Variants in NTRK2 observed in about 807,000 individuals in gnomAD.
The protein encoded by NTRK2 is neurotrophic receptor tyrosine kinase 2.
In NTRK2, 13 loss-of-function variants were observed where a neutral mutation model predicts 94.5. That is an observed-to-expected ratio of 0.14 (90% CI 0.09 to 0.22). The LOEUF (loss-of-function observed/expected upper bound fraction) is 0.22, where lower values mean the gene tolerates loss of function less well. NTRK2 is among the 10% of genes least tolerant of loss of function. The pLI, the probability that NTRK2 is intolerant of heterozygous loss-of-function variation, is 1.00. For synonymous variants in NTRK2, 372 were observed against 407.4 expected (o/e 0.91, Z 1.05); for missense variants, 639 against 1,071.2 (o/e 0.60, Z 5.63).
At chr9:84,905,276 GTGT>G (rs1184697291) in intron 14 of NTRK2, among the ~76,000 whole-genome samples, 5 of 6,968 alleles carry the variant, frequency 7.2e-4, no homozygotes, top group East Asian at 5.4e-3. Context: ...GTTTTAGAGG[GTGT>G]GTGTGTGTGT....
chr9:84,860,891 G>GTTTGTTTA (rs754341107), intron 12 of NTRK2, 149 bp from the exon 13 acceptor site: 17 of 379,158 alleles, frequency 4.5e-5, no homozygotes, highest in African/African-American at 3.4e-4. Context: ...CAAGTGGTTT[G>GTTTGTTTA]TTTATTTATT....
At chr9:84,898,596 C>G (rs2076831509) in intron 14 of NTRK2, among the ~76,000 whole-genome samples, 1 of 151,816 alleles carries the variant, frequency 6.6e-6, no homozygotes. Context: ...AACCAAAGCC[C>G]AGGGATTGTT....
intron 17 of NTRK2, among the ~76,000 whole-genome samples, chr9:84,973,938 G>T (rs1826491831): frequency 6.6e-6 from 1 of 151,964 alleles, no homozygotes; most frequent in African/African-American, 2.4e-5. Flanking sequence ...TTTGCTCAAT[G>T]GTATTTTTTA....
chr9:84,876,182 G>T (rs1438143935), intron 14 of NTRK2: 1 of 1,040,958 alleles, frequency 9.6e-7, no homozygotes, highest in African/African-American at 1.7e-5. Context: ...TGGACTGAGT[G>T]CCATATTCCT....
chr9:84,722,028 T>C (rs755969629), intron 6 of NTRK2, among the ~76,000 whole-genome samples: 1 of 152,144 alleles, frequency 6.6e-6, no homozygotes, highest in Non-Finnish European at 1.5e-5. Context: ...AGAAAACACA[T>C]TGAGAAAAAC....
chr9:84,711,823 C>A (rs189526740), intron 6 of NTRK2, among the ~76,000 whole-genome samples: 2 of 152,318 alleles, frequency 1.3e-5, no homozygotes, highest in East Asian at 3.9e-4. Flanking sequence ...TAGAAGACGG[C>A]CCTGACCCTT....
chr9:84,756,668 T>C (rs1050804853), intron 12 of NTRK2, among the ~76,000 whole-genome samples: 3 of 152,230 alleles, frequency 2.0e-5, no homozygotes, highest in Non-Finnish European at 2.9e-5. Flanking sequence ...TAGAAGAGAC[T>C]AGAAGAGGAA....
chr9:84,991,659 C>T (rs1018383154), intron 17 of NTRK2, among the ~76,000 whole-genome samples: 4 of 152,120 alleles, frequency 2.6e-5, no homozygotes, highest in Non-Finnish European at 4.4e-5. Context: ...GCCATGGTAG[C>T]GAGCCTCCTC....
At chr9:84,788,079 A>G (rs1171361167) in intron 12 of NTRK2, among the ~76,000 whole-genome samples, 1 of 152,206 alleles carries the variant, frequency 6.6e-6, no homozygotes, top group Non-Finnish European at 1.5e-5. Flanking sequence ...GGTTTGTGCC[A>G]TGTATCAGGT....
At position 84,934,309 on chromosome 9, in the gene NTRK2, G is replaced by A. The variant is rs1158818757; in HGVS notation, c.1764+17G>A. On this transcript the variant is annotated intron_variant, in intron 15 of 18. Coordinates refer to ENST00000277120, the MANE Select transcript of NTRK2 (RefSeq NM_006180.6). ...GCAGTGAAGGTAAGAGAACATTCCA[G>A]AATGTCTCATTAACCATGATCACAC... 1 of 1,613,652 alleles carries A rather than the reference G, an allele frequency of 6.2e-7. No individual in the cohort carries two copies.
At position 85,015,106 on chromosome 9, in the gene NTRK2, C is replaced by T. The variant is rs556756209; in HGVS notation, c.2173-5100C>T. On this transcript the variant is annotated intron_variant, in intron 17 of 18. Coordinates refer to ENST00000277120, the MANE Select transcript of NTRK2 (RefSeq NM_006180.6). ...TCATAGTTTAACTTCCCTCTTTAGT[C>T]TCTCTTAATTTTCTCCAGCCTCAGA... Among the ~76,000 whole-genome samples, 14 of 152,180 alleles carry T rather than the reference C, an allele frequency of 9.2e-5. No homozygotes were observed. In the East Asian group the frequency reaches 2.3e-3, roughly 25 times the overall value.
chr9:84,997,685 G>A (rs1829907355), intron 17 of NTRK2, among the ~76,000 whole-genome samples: 1 of 152,204 alleles, frequency 6.6e-6, no homozygotes, highest in South Asian at 2.1e-4. Flanking sequence ...AGCCTGCCAT[G>A]GAGGCTGATG....
intron 17 of NTRK2, among the ~76,000 whole-genome samples, chr9:85,002,832 T>A (rs981641080): frequency 6.6e-6 from 1 of 152,118 alleles, no homozygotes; most frequent in Non-Finnish European, 1.5e-5. Context: ...TCTCACCATG[T>A]CTTGACCATG....
chr9:84,910,256 C>T (rs1314551474), intron 14 of NTRK2, among the ~76,000 whole-genome samples: 4 of 152,028 alleles, frequency 2.6e-5, no homozygotes, highest in African/African-American at 4.8e-5. Flanking sequence ...ACAACAGAAA[C>T]GTATTCTCTC....
At chr9:84,963,354 C>A (rs780750575) in intron 17 of NTRK2, among the ~76,000 whole-genome samples, 3 of 152,174 alleles carry the variant, frequency 2.0e-5, no homozygotes, top group Non-Finnish European at 2.9e-5. Context: ...GCTTTGGGGT[C>A]ATCAAAGAAA....
chr9:84,775,054 G>A (rs368306893), intron 12 of NTRK2, among the ~76,000 whole-genome samples: 3 of 152,348 alleles, frequency 2.0e-5, no homozygotes, highest in South Asian at 4.1e-4. Context: ...GTACACAAAT[G>A]TTTCCCTAAG....
chr9:84,743,125 G>A (rs1441232164), intron 10 of NTRK2, among the ~76,000 whole-genome samples: 1 of 151,966 alleles, frequency 6.6e-6, no homozygotes, highest in Non-Finnish European at 1.5e-5. Flanking sequence ...ATGGAATATC[G>A]CATCTCTCCT....
At chr9:84,743,761 TG>T (rs2063836569) in intron 10 of NTRK2, among the ~76,000 whole-genome samples, 1 of 152,228 alleles carries the variant, frequency 6.6e-6, no homozygotes, top group Non-Finnish European at 1.5e-5. Flanking sequence ...ATTTAAATTT[TG>T]CAGACGTAGT....
chr9:84,915,029 G>A (rs2077353220), intron 14 of NTRK2, among the ~76,000 whole-genome samples: 1 of 152,168 alleles, frequency 6.6e-6, no homozygotes, highest in Non-Finnish European at 1.5e-5. Flanking sequence ...ATTAGTTAGA[G>A]TCTCATAAGG....
Sources: gnomAD v4.1 joint callset for allele counts (sites outside exome capture counted in the v4.1 genomes callset) on GRCh38, gnomAD v4.1.1 for gene constraint, MANE v1.5 for transcripts, NCBI Gene and HGNC (gene_info 2026-07-23, HGNC 2026-07-21) for gene names.